Variants in CELF2 observed in about 807,000 individuals in gnomAD.
CELF2 encodes CUGBP Elav-like family member 2.
CELF2 carries 8 observed loss-of-function variants against 62.6 expected under a neutral mutation model. That is an observed-to-expected ratio of 0.13 (90% CI 0.07 to 0.23). The LOEUF (loss-of-function observed/expected upper bound fraction) is 0.23. CELF2 is among the 10% of genes least tolerant of loss of function. CELF2 has a pLI of 1.00. For missense variants in CELF2, 333 were observed against 671.0 expected, an observed-to-expected ratio of 0.50 and a Z score of 5.56; for synonymous variants, 258 against 250.0, an observed-to-expected ratio of 1.03 and a Z score of -0.30.
intron 1 of CELF2, among the ~76,000 whole-genome samples, chr10:11,035,752 T>C (rs1021943437): frequency 6.6e-6 from 1 of 152,230 alleles, no homozygotes; most frequent in African/African-American, 2.4e-5. Flanking sequence ...TGTTATTCCG[T>C]TCAGCCATCA....
the CELF2 span, among the ~76,000 whole-genome samples, chr10:10,757,944 C>T: frequency 6.6e-6 from 1 of 152,130 alleles, no homozygotes; most frequent in African/African-American, 2.4e-5. Context: ...CTGTTTGAGC[C>T]CCGGGACCTT....
chr10:10,753,299 CTGTGTGTGTGTGTGTG>C, the CELF2 span, among the ~76,000 whole-genome samples: 2 of 149,802 alleles, frequency 1.3e-5, no homozygotes, highest in East Asian at 2.0e-4. Context: ...TTCCAAAGCT[CTGTGTGTGTGTGTGTG>C]TGTGTGTGTG....
At chr10:10,999,372 G>A (rs1189571556) in intron 2 of CELF2, among the ~76,000 whole-genome samples, 2 of 152,208 alleles carry the variant, frequency 1.3e-5, no homozygotes, top group African/African-American at 4.8e-5. Context: ...TAACAAACAA[G>A]TTAATAAGTA....
chr10:10,504,430 T>C, the CELF2 span, among the ~76,000 whole-genome samples: 8 of 152,268 alleles, frequency 5.3e-5, no homozygotes, highest in South Asian at 1.7e-3. Context: ...AAATCGATAG[T>C]CATTCTTATT....
At chr10:11,048,581 A>T (rs114694867) in intron 1 of CELF2, among the ~76,000 whole-genome samples, 102 of 152,350 alleles carry the variant, frequency 6.7e-4, no homozygotes, top group African/African-American at 2.3e-3. Flanking sequence ...GAAGAGTTAG[A>T]TCCACCCTTG....
rs2080295447 is a variant in CELF2 at position 11,260,791 on chromosome 10, T to C, written c.538+2919T>C. ...GAGAACTGAAGACAGACAGTGGTAC[T>C]TTTTTCAATTCGCAGGACCCAGGGA... On this transcript the variant is annotated intron_variant, in intron 5 of 12. Coordinates refer to ENST00000633077, the MANE Select transcript of CELF2 (RefSeq NM_001326342.2). This position sits in a 1 kb window ranked among gnomAD's most constrained non-coding sequence, Gnocchi z 4.2. 1.3e-5 allele frequency among the ~76,000 whole-genome samples: 2 copies of C among 152,212 alleles called. No individual in the cohort carries two copies. Among genetic ancestry groups the C allele is most frequent in the South Asian group, 4.1e-4 (2 of 4,836 alleles).
chr10:10,517,928 C>T, the CELF2 span, among the ~76,000 whole-genome samples: 1 of 152,370 alleles, frequency 6.6e-6, no homozygotes, highest in South Asian at 2.1e-4. Context: ...CAGCCTCCCA[C>T]ACCTGGGGCT....
chr10:10,851,318 C>T (rs1346633474), intron 1 of CELF2, among the ~76,000 whole-genome samples: 3 of 152,156 alleles, frequency 2.0e-5, no homozygotes, highest in East Asian at 3.8e-4. Flanking sequence ...AACAAATGTT[C>T]AGAGCAGCTT....
intron 1 of CELF2, among the ~76,000 whole-genome samples, chr10:11,052,039 G>A (rs1193794478): frequency 6.6e-6 from 1 of 151,862 alleles, no homozygotes; most frequent in Non-Finnish European, 1.5e-5. Context: ...CCAAGTGGCT[G>A]GGGCTACAGG....
At chr10:10,469,008 CA>C in the CELF2 span, among the ~76,000 whole-genome samples, 29 of 151,392 alleles carry the variant, frequency 1.9e-4, no homozygotes, top group African/African-American at 4.6e-4. Flanking sequence ...TATTACAGTG[CA>C]AAAAAAATGG....
chr10:11,189,280 C>T (rs940229039), intron 2 of CELF2, among the ~76,000 whole-genome samples: 1 of 152,130 alleles, frequency 6.6e-6, no homozygotes, highest in Admixed American at 6.5e-5. Context: ...TCTTTGACTC[C>T]TGTTAAATAA....
chr10:11,321,425 AC>A lies in CELF2; in HGVS notation c.1294+40del. 6.5e-7 allele frequency: 1 copy of A among 1,550,234 alleles called. No individual in the cohort carries two copies. Among genetic ancestry groups the A allele is most frequent in the Non-Finnish European group, 8.8e-7 (1 of 1,137,428 alleles). ...TTGGCCCCAGGCAGGGCCCAGCCCA[AC>A]AGGCAGCACTGGCCTCTAGAGCACG... On this transcript the variant is annotated intron_variant, in intron 11 of 12. Transcript: ENST00000633077. This position sits in a 1 kb window ranked among gnomAD's most constrained non-coding sequence, Gnocchi z 6.2.
At chr10:11,074,514 CT>C (rs2071249259) in intron 1 of CELF2, among the ~76,000 whole-genome samples, 1 of 152,234 alleles carries the variant, frequency 6.6e-6, no homozygotes, top group Non-Finnish European at 1.5e-5. Context: ...GGAAAGATTT[CT>C]AGCCCATGCC....
intron 2 of CELF2, chr10:10,924,935 A>G (rs2065319705): frequency 6.6e-6 from 1 of 152,148 alleles, no homozygotes; most frequent in South Asian, 2.1e-4. Context: ...TCTGGTCTTA[A>G]GTCATAGATC....
At position 11,280,792 on chromosome 10, in the gene CELF2, G is replaced by T. The variant is rs2088219317; in HGVS notation, c.841+5672G>T. Among the ~76,000 whole-genome samples the T allele has an allele frequency of 6.6e-6, 1 of 152,162 alleles. No homozygotes were observed. Among genetic ancestry groups the T allele is most frequent in the South Asian group, 2.1e-4 (1 of 4,828 alleles). On this transcript the variant is annotated intron_variant, in intron 8 of 12. Coordinates refer to ENST00000633077, the MANE Select transcript of CELF2 (RefSeq NM_001326342.2). This position sits in a 1 kb window ranked among gnomAD's most constrained non-coding sequence, Gnocchi z 7.6. Reference sequence around the variant, plus strand: ...GTGCCCTCACTGCCCTCCAGCCTCAGTCCTGGTTGGAGTGAGATGCCCAAG... The same window carrying T: ...GTGCCCTCACTGCCCTCCAGCCTCATTCCTGGTTGGAGTGAGATGCCCAAG...
At chr10:11,019,541 C>G (rs137944987) in intron 1 of CELF2, among the ~76,000 whole-genome samples, 1 of 152,098 alleles carries the variant, frequency 6.6e-6, no homozygotes, top group Non-Finnish European at 1.5e-5. Context: ...TTAAGAGATT[C>G]TTGAGAAACT....
intron 5 of CELF2, 74 bp downstream of exon 5, chr10:11,257,946 A>T: frequency 6.4e-7 from 1 of 1,567,364 alleles, no homozygotes; most frequent in Non-Finnish European, 8.7e-7. Flanking sequence ...AGACAGATGT[A>T]GGCACCGCAC....
In CELF2 at chr10:11,331,208, A is replaced by ATTAAG. The variant is rs1454233374; in HGVS notation, c.*2158_*2162dup. ...CTGTGTTATGTTGGTGCTTCTGTGAATTAAGTTGTGGTTTCATCATGAGTC... is the reference window on the plus strand; with the variant it reads ...CTGTGTTATGTTGGTGCTTCTGTGAATTAAGTTAAGTTGTGGTTTCATCATGAGTC... On this transcript the variant is annotated 3_prime_UTR_variant, in exon 13 of 13. Coordinates refer to ENST00000633077, the MANE Select transcript of CELF2 (RefSeq NM_001326342.2). 1 of 152,260 alleles carries ATTAAG rather than the reference A, an allele frequency of 6.6e-6. No individual in the cohort carries two copies. Among genetic ancestry groups the ATTAAG allele is most frequent in the Non-Finnish European group, 1.5e-5 (1 of 67,964 alleles). The allele number at this position is 152,260 out of a possible 1,614,324, so 9.4% of individuals were successfully genotyped here.
intron 2 of CELF2, among the ~76,000 whole-genome samples, chr10:10,924,281 CAAA>C (rs11415164): frequency 2.4e-4 from 11 of 45,090 alleles, no homozygotes; most frequent in African/African-American, 6.9e-4. Flanking sequence ...GACTCCGTCC[CAAA>C]AAAAAAAAAA....
Sources: gnomAD v4.1 joint callset for allele counts (sites outside exome capture counted in the v4.1 genomes callset) on GRCh38, gnomAD v4.1.1 for gene constraint, Gnocchi (gnomAD v3.1) non-coding constraint, MANE v1.5 for transcripts, NCBI Gene and HGNC (gene_info 2026-07-23, HGNC 2026-07-21) for gene names.